The following GRID2 variants were observed in gnomAD, a reference collection of about 807,000 sequenced individuals.
The protein encoded by GRID2 is glutamate ionotropic receptor delta type subunit 2.
A neutral mutation model predicts 114.8 loss-of-function variants in GRID2; 33 were observed. The observed-to-expected ratio is 0.29, with a 90% confidence interval of 0.22 to 0.38. The LOEUF (loss-of-function observed/expected upper bound fraction) is 0.38. Among genes scored for constraint, GRID2 ranks in the 10% least tolerant of loss-of-function variants. The pLI is 1.00. For missense variants in GRID2, 1,184 were observed against 1,257.7 expected (o/e 0.94, Z 0.89); for synonymous variants, 505 against 449.9 (o/e 1.12, Z -1.55).
intron 11 of GRID2, among the ~76,000 whole-genome samples, chr4:93,483,218 T>A (rs1349906444): frequency 6.6e-6 from 1 of 152,020 alleles, no homozygotes; most frequent in Non-Finnish European, 1.5e-5. Flanking sequence ...TTATTTACAT[T>A]TTAATTGATC....
intron 13 of GRID2, among the ~76,000 whole-genome samples, chr4:93,613,011 CTTTTT>C (rs1465208329): frequency 7.5e-6 from 1 of 133,738 alleles, no homozygotes; most frequent in Non-Finnish European, 1.7e-5. Flanking sequence ...TTGCTCATTT[CTTTTT>C]ATTCTTTTTT....
At chr4:93,017,757 T>A (rs2149241305) in intron 2 of GRID2, among the ~76,000 whole-genome samples, 1 of 143,998 alleles carries the variant, frequency 6.9e-6, no homozygotes, top group East Asian at 2.0e-4. Flanking sequence ...ATTGCACCAC[T>A]GCACTCCAGC....
At chr4:93,429,501 T>C (rs1769192423) in intron 10 of GRID2, among the ~76,000 whole-genome samples, 1 of 149,624 alleles carries the variant, frequency 6.7e-6, no homozygotes, top group Non-Finnish European at 1.5e-5. Flanking sequence ...AGAACATGAC[T>C]GGTCGTTTTG....
chr4:93,786,837 T>C (rs1452893781), intron 1 of GRID2, among the ~76,000 whole-genome samples: 1 of 152,200 alleles, frequency 6.6e-6, no homozygotes, highest in Non-Finnish European at 1.5e-5. Flanking sequence ...CAGCAGCTTC[T>C]AGTTAGCCAA....
chr4:92,639,349 C>G lies in GRID2; in HGVS notation c.244+49063C>G, dbSNP rs141035938. Among the ~76,000 whole-genome samples, 1,337 of 151,606 alleles carry G rather than the reference C, an allele frequency of 8.8e-3. 20 individuals carry two copies. The highest frequency in any genetic ancestry group is 0.03 in the African/African-American group (1,224 of 41,378). Reference sequence around the variant, plus strand: ...TTAGGTCTCATATATCTAATATTTGCTACAGTTAATATAAAAACAAATGAA... The same window carrying G: ...TTAGGTCTCATATATCTAATATTTGGTACAGTTAATATAAAAACAAATGAA... On this transcript the variant is annotated intron_variant, in intron 2 of 15. Transcript: ENST00000282020.
intron 3 of GRID2, among the ~76,000 whole-genome samples, chr4:93,095,450 G>A (rs1483566407): frequency 6.6e-6 from 1 of 151,810 alleles, no homozygotes; most frequent in African/African-American, 2.4e-5. Context: ...ATATTCTACT[G>A]GAAATTCTAA....
intron 1 of GRID2, among the ~76,000 whole-genome samples, chr4:92,485,340 A>G (rs1722821649): frequency 1.2e-5 from 1 of 82,426 alleles, no homozygotes; most frequent in South Asian, 3.6e-4. Context: ...ATATATATAT[A>G]TATATATAGT....
At chr4:92,552,186 C>A (rs1726625783) in intron 1 of GRID2, among the ~76,000 whole-genome samples, 2 of 149,736 alleles carry the variant, frequency 1.3e-5, no homozygotes, top group Admixed American at 6.7e-5. Context: ...GTTAAAAGAC[C>A]AAAGTCAGAG....
chr4:92,882,674 A>G (rs544996779), intron 2 of GRID2, among the ~76,000 whole-genome samples: 3 of 152,336 alleles, frequency 2.0e-5, no homozygotes, highest in South Asian at 4.1e-4. Flanking sequence ...GACCTCCACA[A>G]TAAGTGAATA....
chr4:93,615,699 GACTT>G lies in GRID2; in HGVS notation c.2194-10566_2194-10563del, dbSNP rs960871968. Among the ~76,000 whole-genome samples the G allele has an allele frequency of 5.4e-4, 81 of 149,372 alleles. 1 individual carries two copies. Among genetic ancestry groups the G allele is most frequent in the African/African-American group, 2.0e-3 (81 of 40,890 alleles). Reference sequence around the variant, plus strand: ...TGTAACTTGGCTACCTTGTTGTGGTGACTTACTGTTTTATTTTTTATTTTTATTG... The same window carrying G: ...TGTAACTTGGCTACCTTGTTGTGGTGACTGTTTTATTTTTTATTTTTATTG... On this transcript the variant is annotated intron_variant, in intron 13 of 15. Coordinates refer to ENST00000282020, the MANE Select transcript of GRID2 (RefSeq NM_001510.4).
chr4:92,522,063 C>T (rs543256040), intron 1 of GRID2, among the ~76,000 whole-genome samples: 19 of 151,872 alleles, frequency 1.3e-4, no homozygotes, highest in African/African-American at 3.4e-4. Context: ...AGATAATCCA[C>T]TGTGGGGCAG....
chr4:92,737,193 A>C (rs1736639090), intron 2 of GRID2, among the ~76,000 whole-genome samples: 1 of 152,094 alleles, frequency 6.6e-6, no homozygotes, highest in Non-Finnish European at 1.5e-5. Context: ...TTTTTGATAC[A>C]AATCCTCATT....
intron 14 of GRID2, among the ~76,000 whole-genome samples, chr4:93,653,172 A>C (rs1722735812): frequency 6.6e-6 from 1 of 152,170 alleles, no homozygotes; most frequent in African/African-American, 2.4e-5. Context: ...AATGGGGGGA[A>C]AAAGTTTGGA....
At chr4:93,001,794 A>G (rs1199074213) in intron 2 of GRID2, among the ~76,000 whole-genome samples, 1 of 151,770 alleles carries the variant, frequency 6.6e-6, no homozygotes, top group Non-Finnish European at 1.5e-5. Flanking sequence ...ATGCATTAAC[A>G]AGAAAACTAA....
At chr4:92,607,021 G>A (rs1729484811) in intron 2 of GRID2, among the ~76,000 whole-genome samples, 2 of 152,004 alleles carry the variant, frequency 1.3e-5, no homozygotes. Flanking sequence ...CCAAAAGGCA[G>A]TAAGTCTGAG....
At chr4:92,326,563 T>A (rs1210918022) in intron 1 of GRID2, among the ~76,000 whole-genome samples, 1 of 151,930 alleles carries the variant, frequency 6.6e-6, no homozygotes, top group East Asian at 1.9e-4. Flanking sequence ...ACTACATCCA[T>A]AATCTGTAAT....
rs896589185 is a variant in GRID2 at position 93,007,383 on chromosome 4, T to G, written c.245-77612T>G. 8.5e-5 allele frequency among the ~76,000 whole-genome samples: 13 copies of G among 152,174 alleles called. No homozygotes were observed. In the East Asian group the frequency reaches 2.5e-3, roughly 29 times the overall value. On this transcript the variant is annotated intron_variant, in intron 2 of 15. Coordinates refer to ENST00000282020, the MANE Select transcript of GRID2 (RefSeq NM_001510.4). ...TGGACTTTCAGGCAAACAGATCAAATTACTTACAAAGGAAAAAAGAAAATT... is the reference window on the plus strand; with the variant it reads ...TGGACTTTCAGGCAAACAGATCAAAGTACTTACAAAGGAAAAAAGAAAATT...
intron 4 of GRID2, among the ~76,000 whole-genome samples, chr4:93,201,448 C>T (rs1742097715): frequency 6.6e-6 from 1 of 152,164 alleles, no homozygotes. Flanking sequence ...TGCTGGTGTC[C>T]TCTGCCTATG....
intron 13 of GRID2, among the ~76,000 whole-genome samples, chr4:93,604,378 A>C (rs1297317282): frequency 1.3e-5 from 2 of 152,354 alleles, no homozygotes; most frequent in East Asian, 3.9e-4. Context: ...GAATTGCTGC[A>C]ATCTTGTGAT....
Sources: gnomAD v4.1 joint callset for allele counts (sites outside exome capture counted in the v4.1 genomes callset) on GRCh38, gnomAD v4.1.1 for gene constraint, MANE v1.5 for transcripts, NCBI Gene and HGNC (gene_info 2026-07-23, HGNC 2026-07-21) for gene names.